AFAP1: variants seen among roughly 807,000 people sequenced by gnomAD.
AFAP1 encodes the protein actin filament associated protein 1, also known as actin filament-associated protein 1.
AFAP1 carries 75 observed loss-of-function variants against 93.9 expected under a neutral mutation model. The ratio of observed to expected loss-of-function variants is 0.80; its 90% CI spans 0.66 to 0.97. The LOEUF (loss-of-function observed/expected upper bound fraction) is 0.97. AFAP1 is among the 50% of genes least tolerant of loss of function. The pLI is 0.00. For missense variants in AFAP1, 1,201 were observed against 1,050.8 expected, an observed-to-expected ratio of 1.14 and a Z score of -1.98; for synonymous variants, 517 against 430.7, an observed-to-expected ratio of 1.20 and a Z score of -2.48.
At chr4:7,920,482 T>G (rs1163702710) in intron 1 of AFAP1, among the ~76,000 whole-genome samples, 1 of 152,214 alleles carries the variant, frequency 6.6e-6, no homozygotes, top group East Asian at 1.9e-4. Context: ...ACTAGTGGCC[T>G]TATGGGCAGT....
intron 11 of AFAP1, among the ~76,000 whole-genome samples, chr4:7,791,842 C>CAAAAAA (rs111676909): frequency 7.1e-6 from 1 of 140,522 alleles, no homozygotes; most frequent in Non-Finnish European, 1.5e-5. Context: ...AACCCTTAAT[C>CAAAAAA]AAAAAAAAAC....
chr4:7,819,603 C>A (rs141338386), intron 6 of AFAP1, among the ~76,000 whole-genome samples: 1 of 152,098 alleles, frequency 6.6e-6, no homozygotes, highest in African/African-American at 2.4e-5. Context: ...GAACAACTGG[C>A]GGGAAAGGGC....
chr4:7,888,210 A>G (rs1371979258), intron 1 of AFAP1, among the ~76,000 whole-genome samples: 5 of 152,274 alleles, frequency 3.3e-5, no homozygotes, highest in Non-Finnish European at 7.3e-5. Context: ...GTGACATTTT[A>G]GAAAAACAAG....
rs58075483 is a variant in AFAP1 at position 7,827,569 on chromosome 4, CAA to C, written c.727-8400_727-8399del. On this transcript the variant is annotated intron_variant, in intron 6 of 17. Transcript: ENST00000420658. ...ATGAACAAGAGTGAAACTCTGTCTC[CAA>C]AAAAAAAAAAAAAAAAAAAGGGAGA... 2.2e-3 allele frequency among the ~76,000 whole-genome samples: 117 copies of C among 52,234 alleles called. 1 individual carries two copies. Among genetic ancestry groups the C allele is most frequent in the East Asian group, 5.4e-3 (13 of 2,400 alleles). 34.3% of individuals were successfully genotyped at this position (52,234 alleles called of 152,430 possible).
In AFAP1 at chr4:7,781,575, T is replaced by A; in HGVS notation, c.1583A>T (p.Glu528Val). Reference sequence around the variant, plus strand: ...CAGGCCTGCGTTATCATAAAGCACCTCTTCTCCCAAGCCTCTGCTGCAGGA... The same window carrying A: ...CAGGCCTGCGTTATCATAAAGCACCACTTCTCCCAAGCCTCTGCTGCAGGA... The part of the protein sequence containing the change: ...PASCSRGLGE[E>V]VLYDNAGLYD... Residue 528 changes from glutamate to valine, a missense_variant, in exon 13 of 18, where the codon GAG becomes GTG. Physicochemically the swap from Glu to Val is moderately radical, Grantham distance 121 (BLOSUM62 -2). Coordinates refer to ENST00000420658, the MANE Select transcript of AFAP1 (RefSeq NM_001134647.2). 1 of 1,551,812 alleles carries A rather than the reference T, an allele frequency of 6.4e-7. No homozygotes were observed. Among genetic ancestry groups the A allele is most frequent in the Non-Finnish European group, 8.7e-7 (1 of 1,147,024 alleles).
chr4:7,764,477 G>A (rs976118560), intron 17 of AFAP1, among the ~76,000 whole-genome samples: 41 of 152,218 alleles, frequency 2.7e-4, no homozygotes, highest in African/African-American at 9.4e-4. Context: ...GAAGGATGGC[G>A]GCGATGGCTG....
At chr4:7,927,080 C>T (rs2149242020) in intron 1 of AFAP1, among the ~76,000 whole-genome samples, 1 of 152,342 alleles carries the variant, frequency 6.6e-6, no homozygotes, top group South Asian at 2.1e-4. Context: ...GTAGCTAAAT[C>T]AGAGATGTGG....
chr4:7,847,406 C>G (rs374382099), intron 4 of AFAP1, among the ~76,000 whole-genome samples: 2 of 151,984 alleles, frequency 1.3e-5, no homozygotes, highest in Admixed American at 6.6e-5. Flanking sequence ...TAGCAGTGTC[C>G]CAATCAAGAG....
intron 14 of AFAP1, chr4:7,776,423 T>C (rs1009498890): frequency 7.2e-5 from 11 of 152,102 alleles, no homozygotes; most frequent in African/African-American, 2.4e-4. Context: ...TGTTTTAAAT[T>C]AGAACGTTAT....
At chr4:7,912,940 G>C (rs76843895) in intron 1 of AFAP1, among the ~76,000 whole-genome samples, 7,981 of 152,054 alleles carry the variant, frequency 0.052, 410 homozygotes, top group African/African-American at 0.13. Flanking sequence ...CTTGACTCTT[G>C]GGCTCAAGTT....
At chr4:7,773,408 G>A (rs987747522) in intron 15 of AFAP1, 6 of 196,522 alleles carry the variant, frequency 3.1e-5, no homozygotes, top group East Asian at 1.4e-4. Flanking sequence ...ATTTGCGCCC[G>A]AGGCAATGAA....
At chr4:7,771,159 A>C (rs1715373641) in intron 16 of AFAP1, among the ~76,000 whole-genome samples, 1 of 152,266 alleles carries the variant, frequency 6.6e-6, no homozygotes, top group Non-Finnish European at 1.5e-5. Context: ...AAGCTCCATG[A>C]AACAGGGATT....
chr4:7,783,849 A>T (rs1240364101), intron 12 of AFAP1, among the ~76,000 whole-genome samples: 3 of 152,222 alleles, frequency 2.0e-5, no homozygotes, highest in African/African-American at 7.2e-5. Flanking sequence ...CCTTTGAGGA[A>T]AAGGCGTGTG....
At chr4:7,900,590 C>T (rs960016248) in intron 1 of AFAP1, among the ~76,000 whole-genome samples, 20 of 152,188 alleles carry the variant, frequency 1.3e-4, no homozygotes, top group African/African-American at 4.3e-4. Context: ...CCCACGCCAG[C>T]GACTCCAAGT....
intron 10 of AFAP1, among the ~76,000 whole-genome samples, chr4:7,796,727 G>C: frequency 6.8e-6 from 1 of 147,970 alleles, no homozygotes; most frequent in Admixed American, 6.8e-5. Context: ...CTCCAGCCTG[G>C]GCAACAGAGT....
chr4:7,898,808 A>AGTGTGTGTGTGTGTGTGTGT (rs56404898), intron 1 of AFAP1, among the ~76,000 whole-genome samples: 193 of 137,016 alleles, frequency 1.4e-3, no homozygotes, highest in East Asian at 3.1e-3. Flanking sequence ...GGGCAGTAGA[A>AGTGTGTGTGTGTGTGTGTGT]GTGTGTGTGT....
chr4:7,857,116 C>G (rs1715157663), intron 3 of AFAP1, among the ~76,000 whole-genome samples: 1 of 152,164 alleles, frequency 6.6e-6, no homozygotes, highest in African/African-American at 2.4e-5. Flanking sequence ...TACCTAGATT[C>G]TGTAAACAAC....
chr4:7,903,948 CTT>C (rs34795279), intron 1 of AFAP1, among the ~76,000 whole-genome samples: 16 of 141,660 alleles, frequency 1.1e-4, no homozygotes, highest in African/African-American at 2.3e-4. Flanking sequence ...GGTTTAATGT[CTT>C]TTTTTTTTTT....
At chr4:7,886,575 G>A (rs902317948) in intron 1 of AFAP1, among the ~76,000 whole-genome samples, 3 of 152,166 alleles carry the variant, frequency 2.0e-5, no homozygotes, top group African/African-American at 7.2e-5. Flanking sequence ...AGGAACTGGT[G>A]TAAACTCCAC....
Sources: gnomAD v4.1 joint callset for allele counts (sites outside exome capture counted in the v4.1 genomes callset) on GRCh38, gnomAD v4.1.1 for gene constraint, MANE v1.5 for transcripts, NCBI Gene and HGNC (gene_info 2026-07-23, HGNC 2026-07-21) for gene names.